The following RORA variants were observed in gnomAD, a reference collection of about 807,000 sequenced individuals.
The protein encoded by RORA is nuclear receptor ROR-alpha.
Under a neutral mutation model 69.5 loss-of-function variants are expected in RORA, and 7 were observed. The ratio of observed to expected loss-of-function variants is 0.10; its 90% CI spans 0.06 to 0.19. The LOEUF (loss-of-function observed/expected upper bound fraction) is 0.19, where lower values mean the gene tolerates loss of function less well. Among genes scored for constraint, RORA ranks in the 10% least tolerant of loss-of-function variants. RORA has a pLI of 1.00. For synonymous variants in RORA, 261 were observed against 240.8 expected, an observed-to-expected ratio of 1.08 and a Z score of -0.78; for missense variants, 457 against 663.0, an observed-to-expected ratio of 0.69 and a Z score of 3.41.
chr15:60,499,519 C>T (rs939274034), intron 10 of RORA, among the ~76,000 whole-genome samples: 12 of 152,146 alleles, frequency 7.9e-5, no homozygotes, highest in Non-Finnish European at 1.2e-4. Context: ...GCCTGGGAGA[C>T]GGAGTGAGAC....
chr15:61,156,613 AG>A (rs1195041586), intron 1 of RORA, among the ~76,000 whole-genome samples: 1 of 152,204 alleles, frequency 6.6e-6, no homozygotes, highest in Non-Finnish European at 1.5e-5. Flanking sequence ...CACTCTGAGA[AG>A]GAGGAAAGTT....
At chr15:60,626,271 A>T (rs1410163483) in intron 2 of RORA, among the ~76,000 whole-genome samples, 1 of 152,150 alleles carries the variant, frequency 6.6e-6, no homozygotes, top group Non-Finnish European at 1.5e-5. Flanking sequence ...CCCTCTTGGA[A>T]CTGACAGGGA....
intron 2 of RORA, among the ~76,000 whole-genome samples, chr15:60,559,307 G>A (rs1180198223): frequency 6.6e-6 from 1 of 152,052 alleles, no homozygotes; most frequent in East Asian, 1.9e-4. Context: ...TCCTTCATCT[G>A]TAGTTTTCCT....
At chr15:60,698,591 A>G (rs923485548) in intron 1 of RORA, among the ~76,000 whole-genome samples, 2 of 149,896 alleles carry the variant, frequency 1.3e-5, no homozygotes, top group Admixed American at 1.3e-4. Context: ...TAATTCTACT[A>G]TAAATATCCT....
At chr15:60,880,085 G>A (rs1595787419) in intron 1 of RORA, among the ~76,000 whole-genome samples, 2 of 152,320 alleles carry the variant, frequency 1.3e-5, no homozygotes, top group East Asian at 3.9e-4. Context: ...GTTGTAAGGA[G>A]CAGTTCTGCC....
At chr15:60,887,000 G>A (rs138986817) in intron 1 of RORA, among the ~76,000 whole-genome samples, 4 of 152,206 alleles carry the variant, frequency 2.6e-5, no homozygotes, top group African/African-American at 4.8e-5. Flanking sequence ...TGTGCTCCTC[G>A]GCTACAAGAT....
chr15:61,218,029 T>G (rs1384243627), intron 1 of RORA, among the ~76,000 whole-genome samples: 1 of 152,186 alleles, frequency 6.6e-6, no homozygotes. Flanking sequence ...TTCTACTTCA[T>G]GCCCAGGACA....
rs1268710152 is a variant in RORA, at chr15:61,147,146, T to G, written c.166+81907A>C. On this transcript the variant is annotated intron_variant, in intron 1 of 10. Transcript: ENST00000335670. This position sits in a 1 kb window ranked among gnomAD's most constrained non-coding sequence, Gnocchi z 4.1. ...AGATGCCTCATGCATTCTGGCCATT[T>G]TCGGGCTTATTTTATTCCCCAGAAC... Among the ~76,000 whole-genome samples the G allele has an allele frequency of 2.0e-5, 3 of 152,212 alleles. No individual in the cohort carries two copies. Among genetic ancestry groups the G allele is most frequent in the African/African-American group, 7.2e-5 (3 of 41,448 alleles).
At chr15:60,849,753 G>A (rs1443367383) in intron 1 of RORA, among the ~76,000 whole-genome samples, 2 of 152,208 alleles carry the variant, frequency 1.3e-5, no homozygotes, top group Admixed American at 6.5e-5. Context: ...TCTGAATGTG[G>A]AGCTGGGAAG....
intron 2 of RORA, among the ~76,000 whole-genome samples, chr15:60,638,188 A>C (rs142503331): frequency 3.3e-5 from 5 of 152,280 alleles, no homozygotes; most frequent in Non-Finnish European, 7.4e-5. Context: ...CAACCCATCT[A>C]TCTGTAGAAA....
chr15:61,053,868 T>TATATATATA (rs1375180186), intron 1 of RORA, among the ~76,000 whole-genome samples: 9 of 140,214 alleles, frequency 6.4e-5, no homozygotes, highest in East Asian at 2.1e-4. Context: ...TATATAAACA[T>TATATATATA]TCTTCAGGGA....
chr15:60,792,666 A>C (rs1378365811), intron 1 of RORA, among the ~76,000 whole-genome samples: 1 of 152,250 alleles, frequency 6.6e-6, no homozygotes, highest in Admixed American at 6.5e-5. Flanking sequence ...ACTGAAAAAC[A>C]TTGTCAACCC....
At chr15:61,180,143 CAAAAAAAAAAAAA>C (rs71456351) in intron 1 of RORA, among the ~76,000 whole-genome samples, 1 of 36,690 alleles carries the variant, frequency 2.7e-5, no homozygotes, top group Admixed American at 3.0e-4. Context: ...GACTCCATCT[CAAAAAAAAAAAAA>C]AAAAAAAAAA....
chr15:60,887,267 G>A (rs776412803), intron 1 of RORA, among the ~76,000 whole-genome samples: 6 of 152,122 alleles, frequency 3.9e-5, no homozygotes, highest in East Asian at 1.9e-4. Flanking sequence ...GCAACCTTTC[G>A]TGGCCTGAAG....
At chr15:60,574,921 G>A (rs1043304516) in intron 2 of RORA, among the ~76,000 whole-genome samples, 2 of 151,984 alleles carry the variant, frequency 1.3e-5, no homozygotes, top group Non-Finnish European at 2.9e-5. Flanking sequence ...TCTGTATCTT[G>A]TGTCACCCGG....
intron 1 of RORA, among the ~76,000 whole-genome samples, chr15:61,070,876 T>C (rs892640677): frequency 3.3e-5 from 5 of 152,094 alleles, no homozygotes; most frequent in Non-Finnish European, 7.4e-5. Flanking sequence ...ATGCAAAATA[T>C]AGCTTCTACC....
At chr15:61,123,880 C>T (rs2079122663) in intron 1 of RORA, among the ~76,000 whole-genome samples, 1 of 152,232 alleles carries the variant, frequency 6.6e-6, no homozygotes, top group Admixed American at 6.5e-5. Flanking sequence ...CTGGGGCCAA[C>T]CATTCCAGGT....
chr15:60,553,254 G>A (rs1175550922), intron 2 of RORA, among the ~76,000 whole-genome samples: 1 of 152,084 alleles, frequency 6.6e-6, no homozygotes, highest in Non-Finnish European at 1.5e-5. Context: ...ATTACTATAA[G>A]GTCAAGATGG....
chr15:60,562,757 G>T (rs1370864297), intron 2 of RORA, among the ~76,000 whole-genome samples: 1 of 151,778 alleles, frequency 6.6e-6, no homozygotes, highest in African/African-American at 2.4e-5. Context: ...TGAATTTTTT[G>T]TAGAGATAGG....
Sources: allele counts gnomAD v4.1 joint callset (sites outside exome capture counted in the v4.1 genomes callset), GRCh38; gene constraint gnomAD v4.1.1; non-coding constraint Gnocchi (gnomAD v3.1); transcripts MANE v1.5; gene names NCBI Gene and HGNC (gene_info 2026-07-23, HGNC 2026-07-21).